PUDP: variants seen among roughly 807,000 people sequenced by gnomAD.
The protein encoded by PUDP is pseudouridine 5'-phosphatase, also known as pseudouridine-5'-phosphatase.
In PUDP, 8 loss-of-function variants were observed where a neutral mutation model predicts 9.4. The ratio of observed to expected loss-of-function variants is 0.85; its 90% CI spans 0.50 to 1.53. The LOEUF is 1.53. Ranked by LOEUF, PUDP falls within the 40% of genes most tolerant of loss-of-function variation. The pLI is 0.00. For synonymous variants in PUDP, 99 were observed against 80.7 expected (o/e 1.23, Z -1.22); for missense variants, 188 against 189.7 (o/e 0.99, Z 0.05).
At chrX:6,717,577 C>T (rs745619333) in intron 1 of PUDP, among the ~76,000 whole-genome samples, 4 of 112,167 alleles carry the variant, frequency 3.6e-5, no homozygotes, top group Non-Finnish European at 7.5e-5. Context: ...TCACAGCCTA[C>T]ATAATCCTCT....
chrX:6,910,738 G>A (rs1445925335), intron 3 of PUDP, among the ~76,000 whole-genome samples: 1 of 112,064 alleles, frequency 8.9e-6, no homozygotes, highest in Non-Finnish European at 1.9e-5. Context: ...TGCTTGGGGT[G>A]CACACCTGCA....
chrX:6,776,018 C>CT (rs1158573602), intron 3 of PUDP, among the ~76,000 whole-genome samples: 2 of 111,903 alleles, frequency 1.8e-5, no homozygotes, highest in African/African-American at 6.5e-5. Flanking sequence ...ATGACAAACC[C>CT]TTTCTCACGG....
chrX:7,099,021 G>A (rs1931654901), intron 2 of PUDP, among the ~76,000 whole-genome samples: 1 of 112,030 alleles, frequency 8.9e-6, no homozygotes, highest in African/African-American at 3.2e-5. Flanking sequence ...ACCATGCCCT[G>A]GGCTCTTCCT....
intron 1 of PUDP, among the ~76,000 whole-genome samples, chrX:6,999,561 C>T (rs993100352): frequency 9.0e-6 from 1 of 111,192 alleles, no homozygotes; most frequent in Non-Finnish European, 1.9e-5. Context: ...GGTGTATAGA[C>T]GTCACATTTT....
chrX:7,127,258 A>G (rs1932508981), intron 1 of PUDP, among the ~76,000 whole-genome samples: 1 of 112,294 alleles, frequency 8.9e-6, no homozygotes, highest in South Asian at 3.7e-4. Flanking sequence ...AGGGAAGGAC[A>G]GCTGGTAAGA....
chrX:6,900,563 A>AAGAGAGAGGGAGACGGAGAG (rs752801559), intron 3 of PUDP, among the ~76,000 whole-genome samples: 18,340 of 104,965 alleles, frequency 0.17, 1,748 homozygotes, highest in Middle Eastern at 0.24. Context: ...GAGGGAGAGA[A>AAGAGAGAGGGAGACGGAGAG]GGAGAGAGGG....
intron 3 of PUDP, among the ~76,000 whole-genome samples, chrX:6,966,954 G>A (rs750671004): frequency 2.7e-5 from 3 of 112,071 alleles, no homozygotes; most frequent in African/African-American, 6.5e-5. Context: ...GTGGCTGAGG[G>A]TGGAAGCTGA....
At chrX:6,996,453 C>A (rs1265222588) in intron 1 of PUDP, among the ~76,000 whole-genome samples, 1 of 110,164 alleles carries the variant, frequency 9.1e-6, no homozygotes, top group Non-Finnish European at 1.9e-5. Context: ...CTACCAAGAT[C>A]TCTTTGGGTC....
chrX:7,018,886 C>T (rs777330142), intron 1 of PUDP, among the ~76,000 whole-genome samples: 52 of 112,265 alleles, frequency 4.6e-4, no homozygotes, highest in Non-Finnish European at 8.3e-4. Context: ...TGATAACGTT[C>T]ACTAAACAGA....
chrX:7,012,646 C>T (rs779358814), intron 1 of PUDP, among the ~76,000 whole-genome samples: 3 of 110,866 alleles, frequency 2.7e-5, no homozygotes, highest in Non-Finnish European at 5.7e-5. Flanking sequence ...CATCAGTGAG[C>T]GGACTATGGG....
At chrX:6,822,513 G>T (rs1926357628) in intron 3 of PUDP, among the ~76,000 whole-genome samples, 1 of 111,494 alleles carries the variant, frequency 9.0e-6, no homozygotes, top group Non-Finnish European at 1.9e-5. Flanking sequence ...TGCAAGCTCC[G>T]CCTCCCGGGT....
chrX:6,844,491 C>A (rs1292423748), intron 3 of PUDP, among the ~76,000 whole-genome samples: 2 of 111,997 alleles, frequency 1.8e-5, no homozygotes, highest in African/African-American at 6.5e-5. Context: ...ACCATACGGC[C>A]CAATAAGAAC....
chrX:6,792,384 C>G (rs1318563206), intron 3 of PUDP, among the ~76,000 whole-genome samples: 1 of 108,909 alleles, frequency 9.2e-6, no homozygotes. Flanking sequence ...AATATGGAAA[C>G]TTGGCACTTG....
chrX:7,131,716 C>T (rs1422087674), intron 1 of PUDP, among the ~76,000 whole-genome samples: 3 of 108,465 alleles, frequency 2.8e-5, no homozygotes, highest in Non-Finnish European at 5.7e-5. Context: ...TAAGCGCCAA[C>T]AGTCCACATC....
chrX:7,091,068 C>A (rs1037302690), intron 2 of PUDP, among the ~76,000 whole-genome samples: 1 of 111,917 alleles, frequency 8.9e-6, no homozygotes, highest in Non-Finnish European at 1.9e-5. Context: ...TCCAAAGGGT[C>A]AATGGTGACT....
chrX:7,055,881 AAC>A (rs1405791643), intron 3 of PUDP, among the ~76,000 whole-genome samples: 5 of 112,158 alleles, frequency 4.5e-5, no homozygotes, highest in African/African-American at 9.7e-5. Flanking sequence ...GAAATATCTC[AAC>A]ACAGTTTCCG....
chrX:7,118,901 C>T (rs1458948276), intron 1 of PUDP, among the ~76,000 whole-genome samples: 1 of 112,054 alleles, frequency 8.9e-6, no homozygotes, highest in Non-Finnish European at 1.9e-5. Flanking sequence ...TGACAACTGA[C>T]ATGGAGACAG....
intron 3 of PUDP, among the ~76,000 whole-genome samples, chrX:6,855,902 G>T (rs35409742): frequency 0.092 from 10,214 of 110,751 alleles, 607 homozygotes; most frequent in East Asian, 0.46. Context: ...CTCAGTGCAG[G>T]CCGTGGAAAT....
Position 6,838,386 on chromosome X carries a change from G to A in PUDP, c.*248-131920C>T, listed in dbSNP as rs984335437. On this transcript the variant is annotated intron_variant and NMD_transcript_variant, in intron 3 of 3. Transcript: ENST00000655425. ...TGTCTCTTAGAATTAAAATTGTCAC[G>A]CAGATAGCTCAGAGCAAAAATTTCT... is the stretch of plus-strand genomic sequence containing the variant. 6.2e-5 allele frequency among the ~76,000 whole-genome samples: 7 copies of A among 112,530 alleles called. No homozygotes were observed. The Middle Eastern group carries it at 0.019, about 298-fold the overall frequency.
Sources: allele counts gnomAD v4.1 joint callset (sites outside exome capture counted in the v4.1 genomes callset), GRCh38; gene constraint gnomAD v4.1.1; transcripts MANE v1.5; gene names NCBI Gene and HGNC (gene_info 2026-07-23, HGNC 2026-07-21).